The following CLSTN3 variants were observed in gnomAD, a reference collection of about 807,000 sequenced individuals.
CLSTN3 encodes calsyntenin-3.
Under a neutral mutation model 95.9 loss-of-function variants are expected in CLSTN3, and 36 were observed. The ratio of observed to expected loss-of-function variants is 0.38; its 90% confidence interval spans 0.29 to 0.50. The LOEUF (loss-of-function observed/expected upper bound fraction) is 0.50. CLSTN3 is among the 20% of genes least tolerant of loss of function. The pLI is 0.95. For missense variants in CLSTN3, 1,084 were observed against 1,268.8 expected (o/e 0.85, Z 2.21); for synonymous variants, 481 against 504.0 (o/e 0.95, Z 0.61).
Position 7,136,400 on chromosome 12 carries a change from G to A in CLSTN3, c.928+9G>A. ...GCTGCGGAAACTCTGTGGTAGGTGT[G>A]CCCCCAACACTGCCTCAGGCCTATC... On this transcript the variant is annotated intron_variant, in intron 6 of 17. Coordinates refer to ENST00000266546, the MANE Select transcript of CLSTN3 (RefSeq NM_014718.4). The A allele has an allele frequency of 6.3e-7, 1 of 1,598,734 alleles. No homozygotes were observed. Among genetic ancestry groups the A allele is most frequent in the Non-Finnish European group, 8.5e-7 (1 of 1,171,300 alleles).
At chr12:7,129,955 G>C (rs1259501484), upstream of CLSTN3, 2 of 320,158 alleles carry the variant, frequency 6.2e-6, no homozygotes, top group Non-Finnish European at 4.6e-6. This position sits in a 1 kb window ranked among gnomAD's most constrained non-coding sequence, Gnocchi z 5.5. Context: ...CTCAGGCTCA[G>C]ACTGAGGGTT....
chr12:7,135,423 C>T lies in CLSTN3; in HGVS notation c.480C>T (p.Tyr160=), dbSNP rs145077643. Residue 160 remains tyrosine, a synonymous_variant, in exon 4 of 18, where the codon TAC becomes TAT. Coordinates refer to ENST00000266546, the MANE Select transcript of CLSTN3 (RefSeq NM_014718.4). ...YRAAVTEGKL[Y]DRILRVEAID... Reference sequence around the variant, plus strand: ...CGGCTGTGACAGAGGGGAAGCTGTACGATCGCATCCTGCGGGTGGAAGCCA... The same window carrying T: ...CGGCTGTGACAGAGGGGAAGCTGTATGATCGCATCCTGCGGGTGGAAGCCA... 5.7e-5 allele frequency: 92 copies of T among 1,614,006 alleles called. No homozygotes were observed. Among genetic ancestry groups the T allele is most frequent in the African/African-American group, 4.5e-4 (34 of 74,866 alleles).
At position 7,156,961 on chromosome 12, in the gene CLSTN3, T is replaced by G. The variant is rs956355030; in HGVS notation, c.2528-528T>G. On this transcript the variant is annotated intron_variant, in intron 16 of 17. Transcript: ENST00000266546. ...AAGGGAAGGGGCTGCTCTGTGCCCC[T>G]TGGACTTGTCCCCAGCCTCAGGTGC... 8 of 381,704 alleles carry G rather than the reference T, an allele frequency of 2.1e-5. No individual in the cohort carries two copies. In the Admixed American group the frequency reaches 2.3e-4, roughly 11 times the overall value. The allele number at this position is 381,704 out of a possible 1,614,324, so 23.6% of individuals were successfully genotyped here. A position where few individuals can be genotyped will look rare whatever the true frequency, so the allele number is the denominator to read the frequency against.
intron 4 of CLSTN3, 123 bp downstream of exon 4, chr12:7,135,658 A>C (rs1413972758): frequency 7.4e-7 from 1 of 1,342,716 alleles, no homozygotes; most frequent in South Asian, 1.3e-5. Context: ...CTTCTTCCCA[A>C]ATGGAGCCTT....
At chr12:7,129,957 CTG>C (rs1939247884), upstream of CLSTN3, 1 of 315,330 alleles carries the variant, frequency 3.2e-6, no homozygotes, top group Admixed American at 5.9e-5. The surrounding 1 kb of genome is among the most constrained non-coding windows in gnomAD (Gnocchi z 5.5). Flanking sequence ...CAGGCTCAGA[CTG>C]AGGGTTTTAC....
At chr12:7,129,191 C>G (rs1464672172), upstream of CLSTN3, 1 of 265,064 alleles carries the variant, frequency 3.8e-6, no homozygotes, top group Non-Finnish European at 7.6e-6. The surrounding 1 kb of genome is among the most constrained non-coding windows in gnomAD (Gnocchi z 5.5). Flanking sequence ...GGGAACCGTC[C>G]CAGGGCCTGA....
At position 7,133,429 on chromosome 12, in the gene CLSTN3, C is replaced by G; in HGVS notation, c.188-144C>G. On this transcript the variant is annotated intron_variant, in intron 2 of 17. Coordinates refer to ENST00000266546, the MANE Select transcript of CLSTN3 (RefSeq NM_014718.4). This position sits in a 1 kb window ranked among gnomAD's most constrained non-coding sequence, Gnocchi z 4.7. ...CTCAGGGAAGCTGGGCTTAGAGTTG[C>G]GTGTTTGATCATTAATGCTTTTGTG... 2 of 838,680 alleles carry G rather than the reference C, an allele frequency of 2.4e-6. No individual in the cohort carries two copies. The highest frequency in any genetic ancestry group is 2.6e-5 in the East Asian group (1 of 38,350). 52.0% of individuals were successfully genotyped at this position (838,680 alleles called of 1,614,324 possible). A position where few individuals can be genotyped will look rare whatever the true frequency, so the allele number is the denominator to read the frequency against.
rs374969148 is a variant in CLSTN3 at position 7,157,450 on chromosome 12, C to T, written c.2528-39C>T. 8.3e-5 allele frequency: 126 copies of T among 1,513,834 alleles called. No homozygotes were observed. Among genetic ancestry groups the T allele is most frequent in the Non-Finnish European group, 1.1e-4 (121 of 1,127,920 alleles). 93.8% of individuals were successfully genotyped at this position (1,513,834 alleles called of 1,614,324 possible). Reference sequence around the variant, plus strand: ...CCCTGTCCAAGTGCCCCCAGGTGTGCCTAGTCACGCTCTGCTCACCCCCGC... The same window carrying T: ...CCCTGTCCAAGTGCCCCCAGGTGTGTCTAGTCACGCTCTGCTCACCCCCGC... On this transcript the variant is annotated intron_variant, in intron 16 of 17. Transcript: ENST00000266546. The surrounding 1 kb of genome is among the most constrained non-coding windows in gnomAD (Gnocchi z 5.9).
intron 16 of CLSTN3, chr12:7,155,924 T>G (rs1346863088): frequency 7.4e-6 from 2 of 269,848 alleles, no homozygotes; most frequent in Non-Finnish European, 1.5e-5. Context: ...TGCTGGCTGC[T>G]GGGGAGAGGG....
chr12:7,150,728 C>A lies in CLSTN3; in HGVS notation c.2391+39C>A. 1.2e-6 allele frequency: 2 copies of A among 1,602,368 alleles called. No individual in the cohort carries two copies. Among genetic ancestry groups the A allele is most frequent in the South Asian group, 2.2e-5 (2 of 90,608 alleles). The stretch of plus-strand genomic sequence containing the variant: ...CTCCTTCCTTCCACAGTTACCCACC[C>A]CCAGAAAGGAGCTGAGGTGGCATGG... On this transcript the variant is annotated intron_variant, in intron 15 of 17. Coordinates refer to ENST00000266546, the MANE Select transcript of CLSTN3 (RefSeq NM_014718.4). The surrounding 1 kb of genome is among the most constrained non-coding windows in gnomAD (Gnocchi z 4.0).
intron 3 of CLSTN3, among the ~76,000 whole-genome samples, chr12:7,134,323 T>C (rs1939364671): frequency 6.6e-6 from 1 of 152,222 alleles, no homozygotes; most frequent in African/African-American, 2.4e-5. Flanking sequence ...AGGCGATGGT[T>C]GTAGCAAGAA....
At chr12:7,156,300 G>A (rs1270353385) in intron 16 of CLSTN3, 1 of 456,894 alleles carries the variant, frequency 2.2e-6, no homozygotes, top group African/African-American at 2.0e-5. Context: ...CTGGGGCTGC[G>A]GGCTTTCCTG....
At chr12:7,134,603 G>A (rs1192967517) in intron 3 of CLSTN3, among the ~76,000 whole-genome samples, 2 of 152,224 alleles carry the variant, frequency 1.3e-5, no homozygotes, top group African/African-American at 4.8e-5. Context: ...ATGTGCGGGA[G>A]GCAGCACTGC....
upstream of CLSTN3, chr12:7,129,942 T>C: frequency 2.6e-6 from 1 of 379,204 alleles, no homozygotes; most frequent in Non-Finnish European, 3.6e-6. This position sits in a 1 kb window ranked among gnomAD's most constrained non-coding sequence, Gnocchi z 5.5. Context: ...AATGCCAGGA[T>C]TTCTCAGGCT....
chr12:7,131,257 T>C (rs1030132647), intron 1 of CLSTN3: 1 of 212,000 alleles, frequency 4.7e-6, no homozygotes, highest in Admixed American at 5.3e-5. Context: ...TTACCAGAGC[T>C]GCCCTCTCTG....
chr12:7,134,186 G>A (rs886964042), intron 3 of CLSTN3, among the ~76,000 whole-genome samples: 1 of 152,176 alleles, frequency 6.6e-6, no homozygotes, highest in Non-Finnish European at 1.5e-5. Context: ...AGGAGAGCAA[G>A]AAGGAAGAGG....
Position 7,141,117 on chromosome 12 carries a change from C to T in CLSTN3, c.1324-125C>T, listed in dbSNP as rs1361465919. 9.3e-7 allele frequency: 1 copy of T among 1,076,392 alleles called. No individual in the cohort carries two copies. The highest frequency in any genetic ancestry group is 2.4e-5 in the East Asian group (1 of 41,106). The allele number at this position is 1,076,392 out of a possible 1,614,324, so 66.7% of individuals were successfully genotyped here. A position where few individuals can be genotyped will look rare whatever the true frequency, so the allele number is the denominator to read the frequency against. On this transcript the variant is annotated intron_variant, in intron 8 of 17. Coordinates refer to ENST00000266546, the MANE Select transcript of CLSTN3 (RefSeq NM_014718.4). This position sits in a 1 kb window ranked among gnomAD's most constrained non-coding sequence, Gnocchi z 4.1. ...GGATAGGCAGCAAAGCACTAGTAAG[C>T]CCTGTTGGTAGAACTGGGAATAAAG... is the stretch of plus-strand genomic sequence containing the variant.
In CLSTN3 at chr12:7,141,535, C is replaced by A; in HGVS notation, c.1486+131C>A. On this transcript the variant is annotated intron_variant, in intron 9 of 17. Transcript: ENST00000266546. The surrounding 1 kb of genome is among the most constrained non-coding windows in gnomAD (Gnocchi z 4.1). ...CTCTCTGCAGCTGTGCAGGGTGACT[C>A]TGAAGATCTCCATGGGAAGGGACCA... 1 of 940,852 alleles carries A rather than the reference C, an allele frequency of 1.1e-6. No individual in the cohort carries two copies. Among genetic ancestry groups the A allele is most frequent in the East Asian group, 2.4e-5 (1 of 40,834 alleles). 58.3% of individuals were successfully genotyped at this position (940,852 alleles called of 1,614,324 possible). A position where few individuals can be genotyped will look rare whatever the true frequency, so the allele number is the denominator to read the frequency against.
upstream of CLSTN3, chr12:7,129,382 A>AT (rs1318363634): frequency 6.1e-6 from 1 of 164,472 alleles, no homozygotes; most frequent in African/African-American, 2.4e-5. This position sits in a 1 kb window ranked among gnomAD's most constrained non-coding sequence, Gnocchi z 5.5. Flanking sequence ...GAGCTCCCTC[A>AT]GGTAGTGTGC....
Sources: gnomAD v4.1 joint callset for allele counts (sites outside exome capture counted in the v4.1 genomes callset) on GRCh38, gnomAD v4.1.1 for gene constraint, Gnocchi (gnomAD v3.1) non-coding constraint, MANE v1.5 for transcripts, NCBI Gene and HGNC (gene_info 2026-07-23, HGNC 2026-07-21) for gene names.